Variants in VPS26C observed in about 807,000 individuals in gnomAD.
VPS26C encodes vacuolar protein sorting-associated protein 26C.
A neutral mutation model predicts 30.6 loss-of-function variants in VPS26C; 19 were observed. That is an observed-to-expected ratio of 0.62 (90% CI 0.43 to 0.91). The LOEUF (loss-of-function observed/expected upper bound fraction) is 0.91, where lower values mean the gene tolerates loss of function less well. Ranked by LOEUF, VPS26C falls within the 40% of genes least tolerant of loss-of-function variation. VPS26C has a pLI of 0.00. For missense variants in VPS26C, 318 were observed against 385.1 expected (o/e 0.83, Z 1.46); for synonymous variants, 132 against 151.5 (o/e 0.87, Z 0.95).
rs2085888206 is a variant in VPS26C, at chr21:37,225,393, A to G, written c.*151T>C. On this transcript the variant is annotated 3_prime_UTR_variant, in exon 8 of 8. Transcript: ENST00000309117. ...AAGCAGAAGCCTCAAGAAATGAGGA[A>G]GGAAAGTTAATTTGAGGGTCTGTTT... 1.5e-6 allele frequency: 1 copy of G among 669,906 alleles called. No homozygotes were observed. The highest frequency in any genetic ancestry group is 2.6e-6 in the Non-Finnish European group (1 of 380,080). 41.5% of individuals were successfully genotyped at this position (669,906 alleles called of 1,614,324 possible).
At chr21:37,238,813 A>G (rs1198600730) in intron 2 of VPS26C, among the ~76,000 whole-genome samples, 1 of 152,226 alleles carries the variant, frequency 6.6e-6, no homozygotes, top group Non-Finnish European at 1.5e-5. Flanking sequence ...TTCATTTACA[A>G]CATGAGACAC....
At chr21:37,267,207 ACCT>A in intron 1 of VPS26C, 28 bp downstream of exon 1, 75 of 358,960 alleles carry the variant, frequency 2.1e-4, no homozygotes, top group Non-Finnish European at 3.7e-4. Flanking sequence ...GCCCAACCCC[ACCT>A]CCATCCCCAC....
intron 1 of VPS26C, among the ~76,000 whole-genome samples, chr21:37,256,591 A>G (rs891033175): frequency 1.3e-5 from 2 of 152,174 alleles, no homozygotes; most frequent in African/African-American, 4.8e-5. Flanking sequence ...TCTATTTTCT[A>G]TCACCTTGGA....
At chr21:37,231,164 C>G (rs931470373) in intron 5 of VPS26C, among the ~76,000 whole-genome samples, 3 of 152,198 alleles carry the variant, frequency 2.0e-5, no homozygotes, top group African/African-American at 7.2e-5. Context: ...TAAATGTAAA[C>G]TGACAACCGA....
chr21:37,252,634 T>C (rs2086204859), intron 1 of VPS26C, among the ~76,000 whole-genome samples: 1 of 152,170 alleles, frequency 6.6e-6, no homozygotes, highest in Admixed American at 6.5e-5. Context: ...CACACAAAAA[T>C]CATGCCCAAG....
chr21:37,228,574 T>C, intron 5 of VPS26C: 1 of 555,796 alleles, frequency 1.8e-6, no homozygotes, highest in East Asian at 3.2e-5. Flanking sequence ...ACTCTCTACA[T>C]ATGGCACCTG....
At chr21:37,258,964 T>C (rs2086276178) in intron 1 of VPS26C, among the ~76,000 whole-genome samples, 1 of 152,232 alleles carries the variant, frequency 6.6e-6, no homozygotes, top group Non-Finnish European at 1.5e-5. Flanking sequence ...TATAAGAGTT[T>C]AGGTTATGAT....
chr21:37,250,280 G>C (rs2086178604), intron 1 of VPS26C, among the ~76,000 whole-genome samples: 1 of 151,798 alleles, frequency 6.6e-6, no homozygotes, highest in South Asian at 2.1e-4. Context: ...ACTCCTGCCT[G>C]GGTGATAGAG....
chr21:37,235,860 TA>T, intron 3 of VPS26C, among the ~76,000 whole-genome samples: 1 of 93,938 alleles, frequency 1.1e-5, no homozygotes, highest in Admixed American at 1.0e-4. Flanking sequence ...TGTATATATA[TA>T]TATATATATA....
Position 37,238,458 on chromosome 21 carries a change from A to C in VPS26C, c.351+2T>G, listed in dbSNP as rs1427311226. 6.2e-7 allele frequency: 1 copy of C among 1,613,756 alleles called. No individual in the cohort carries two copies. The highest frequency in any genetic ancestry group is 2.2e-5 in the East Asian group (1 of 44,874). On this transcript the variant is annotated splice_donor_variant, in intron 3 of 7. Transcript: ENST00000309117. LOFTEE classifies it high-confidence loss of function. ...AGTCGCGTAGGACTAGGAAGCTCTCACCTGAATGTTGACAAACACGCCATG... is the reference window on the plus strand; with the variant it reads ...AGTCGCGTAGGACTAGGAAGCTCTCCCCTGAATGTTGACAAACACGCCATG...
At chr21:37,258,682 G>A (rs552411446) in intron 1 of VPS26C, among the ~76,000 whole-genome samples, 1 of 152,328 alleles carries the variant, frequency 6.6e-6, no homozygotes, top group South Asian at 2.1e-4. Flanking sequence ...CGGGGACTCG[G>A]CATTAGGAGG....
intron 1 of VPS26C, among the ~76,000 whole-genome samples, chr21:37,244,814 G>C (rs1347762153): frequency 1.3e-5 from 2 of 152,182 alleles, no homozygotes; most frequent in Non-Finnish European, 2.9e-5. Flanking sequence ...ATGAAAAACG[G>C]AAAGAAGGCC....
chr21:37,267,212 C>CCAG, intron 1 of VPS26C, 26 bp downstream of exon 1: 1 of 1,092,248 alleles, frequency 9.2e-7, no homozygotes, highest in South Asian at 1.3e-5. Context: ...ACCCCACCTC[C>CCAG]ATCCCCACCC....
intron 1 of VPS26C, among the ~76,000 whole-genome samples, chr21:37,246,043 T>C (rs1403644610): frequency 6.6e-6 from 1 of 151,792 alleles, no homozygotes; most frequent in Non-Finnish European, 1.5e-5. Context: ...GAGATAAAAT[T>C]GGAGACAGGT....
chr21:37,254,539 G>A (rs928247668), intron 1 of VPS26C, among the ~76,000 whole-genome samples: 6 of 152,086 alleles, frequency 3.9e-5, no homozygotes, highest in Admixed American at 3.9e-4. Flanking sequence ...GGCTGGGTGC[G>A]GTGGCTCACG....
intron 1 of VPS26C, among the ~76,000 whole-genome samples, chr21:37,266,193 C>CG (rs1386527112): frequency 6.6e-6 from 1 of 152,090 alleles, no homozygotes; most frequent in African/African-American, 2.4e-5. Context: ...GCTGGTAATA[C>CG]AAGCGTGAGC....
At chr21:37,258,202 G>C (rs959269939) in intron 1 of VPS26C, among the ~76,000 whole-genome samples, 1 of 152,220 alleles carries the variant, frequency 6.6e-6, no homozygotes, top group Non-Finnish European at 1.5e-5. Flanking sequence ...CCGCCCCGGC[G>C]TCCGGCAGCA....
At chr21:37,241,609 G>A (rs1296836963) in intron 1 of VPS26C, among the ~76,000 whole-genome samples, 4 of 152,152 alleles carry the variant, frequency 2.6e-5, no homozygotes, top group Non-Finnish European at 4.4e-5. Context: ...CTTGAGCCTA[G>A]GAGTTTGAGA....
rs1171250855 is a variant in VPS26C, at chr21:37,224,945, G to A, written c.*599C>T. 3.3e-5 allele frequency: 5 copies of A among 153,296 alleles called. No homozygotes were observed. The highest frequency in any genetic ancestry group is 1.2e-4 in the African/African-American group (5 of 41,450). 9.5% of individuals were successfully genotyped at this position (153,296 alleles called of 1,614,324 possible). ...GTTGCAGTGAGCTGAGATCACTCCA[G>A]CCTGGGTGACAGACTGAGACTCCGT... On this transcript the variant is annotated 3_prime_UTR_variant, in exon 8 of 8. Transcript: ENST00000309117.
Sources: allele counts gnomAD v4.1 joint callset (sites outside exome capture counted in the v4.1 genomes callset), GRCh38; gene constraint gnomAD v4.1.1; transcripts MANE v1.5; gene names NCBI Gene and HGNC (gene_info 2026-07-23, HGNC 2026-07-21).